DOCK2: variants seen among roughly 807,000 people sequenced by gnomAD.
DOCK2 encodes dedicator of cytokinesis protein 2.
In DOCK2, 87 loss-of-function variants were observed where a neutral mutation model predicts 248.9. The ratio of observed to expected loss-of-function variants is 0.35; its 90% CI spans 0.29 to 0.42. DOCK2 has a LOEUF of 0.42. DOCK2 is among the 10% of genes least tolerant of loss of function. DOCK2 has a pLI of 1.00. For missense variants in DOCK2, 1,747 were observed against 2,300.2 expected, an observed-to-expected ratio of 0.76 and a Z score of 4.92; for synonymous variants, 805 against 821.6, an observed-to-expected ratio of 0.98 and a Z score of 0.35.
chr5:170,080,755 T>A (rs1020699555), intron 50 of DOCK2: 1 of 162,446 alleles, frequency 6.2e-6, no homozygotes, highest in African/African-American at 2.4e-5. Context: ...ACTCACTCAC[T>A]GTCCAGTGAG....
intron 7 of DOCK2, 85 bp from the exon 8 acceptor site, chr5:169,684,111 A>G: frequency 6.5e-7 from 1 of 1,538,298 alleles, no homozygotes; most frequent in Non-Finnish European, 8.8e-7. Flanking sequence ...GCTTGAACCC[A>G]ATATCCTTGA....
intron 27 of DOCK2, among the ~76,000 whole-genome samples, chr5:169,959,674 C>T (rs1342154916): frequency 6.6e-6 from 1 of 152,154 alleles, no homozygotes; most frequent in Admixed American, 6.5e-5. Flanking sequence ...GGAGTCCGTC[C>T]AGTTCTCAGG....
chr5:169,693,059 C>T (rs1038711419), intron 9 of DOCK2, among the ~76,000 whole-genome samples: 3 of 152,106 alleles, frequency 2.0e-5, no homozygotes, highest in African/African-American at 7.2e-5. Flanking sequence ...GTCTAGGAAG[C>T]TTTCAGGTAC....
chr5:169,661,584 T>C (rs1223860439), intron 2 of DOCK2, among the ~76,000 whole-genome samples: 1 of 152,230 alleles, frequency 6.6e-6, no homozygotes, highest in Non-Finnish European at 1.5e-5. Flanking sequence ...TCTGTTACCC[T>C]GTAACCTCTA....
intron 27 of DOCK2, among the ~76,000 whole-genome samples, chr5:169,894,693 G>A (rs980051260): frequency 1.1e-4 from 16 of 152,176 alleles, no homozygotes; most frequent in Non-Finnish European, 2.1e-4. Flanking sequence ...AGTAAACAGC[G>A]TGCCCAGCAG....
At position 170,037,933 on chromosome 5, in the gene DOCK2, G is replaced by A. The variant is rs968378436; in HGVS notation, c.3665+1378G>A. 2.0e-5 allele frequency among the ~76,000 whole-genome samples: 3 copies of A among 152,260 alleles called. No homozygotes were observed. The East Asian group carries it at 5.8e-4, about 29-fold the overall frequency. On this transcript the variant is annotated intron_variant, in intron 36 of 51. Transcript: ENST00000520908. ...CAGAGGGCAGAAACTTCAAGTCTAC[G>A]CTCACTCTGCTATTACGGCAGATAT...
intron 27 of DOCK2, among the ~76,000 whole-genome samples, chr5:169,872,062 C>T (rs1446366905): frequency 1.3e-5 from 2 of 152,208 alleles, no homozygotes; most frequent in Admixed American, 1.3e-4. Context: ...ATCAACTACA[C>T]TCTAAGCAAG....
At chr5:169,952,595 A>G (rs1561847359) in intron 27 of DOCK2, among the ~76,000 whole-genome samples, 1 of 152,144 alleles carries the variant, frequency 6.6e-6, no homozygotes, top group African/African-American at 2.4e-5. Context: ...ACAGGAGTCA[A>G]TACAACTGAC....
chr5:169,904,286 C>T (rs1033986533), intron 27 of DOCK2, among the ~76,000 whole-genome samples: 1 of 151,874 alleles, frequency 6.6e-6, no homozygotes, highest in African/African-American at 2.4e-5. Context: ...GGGCTTTCCC[C>T]TCAGTCTTAA....
chr5:169,710,344 C>T (rs1761506096), intron 15 of DOCK2, among the ~76,000 whole-genome samples: 1 of 152,184 alleles, frequency 6.6e-6, no homozygotes, highest in Admixed American at 6.5e-5. Context: ...TCAAATAGTC[C>T]TCTTGTGGGT....
At chr5:169,983,310 G>T (rs1777987449) in intron 28 of DOCK2, 144 bp downstream of exon 28, 7 of 880,722 alleles carry the variant, frequency 7.9e-6, no homozygotes, top group Non-Finnish European at 8.9e-6. Flanking sequence ...CAGACATTTT[G>T]GGGTTTAAGA....
rs991274165 is a variant in DOCK2, at chr5:169,883,476, C to T, written c.2799+42624C>T. The T allele has an allele frequency of 3.9e-6, 6 of 1,551,644 alleles. No individual in the cohort carries two copies. The African/African-American group carries it at 6.8e-5, about 18-fold the overall frequency. On this transcript the variant is annotated intron_variant, in intron 27 of 51. Transcript: ENST00000520908. ...AGGCAAGGTCAGAAGACACAATGTC[C>T]TGTTCAGAGAGGTTACCGTTGACCT...
chr5:169,985,730 C>T, intron 28 of DOCK2, 98 bp from the exon 29 acceptor site: 1 of 881,894 alleles, frequency 1.1e-6, no homozygotes, highest in East Asian at 2.8e-5. Flanking sequence ...TTCCCTTTTC[C>T]TCCCTCCAAA....
At chr5:169,999,277 A>G (rs1581516489) in intron 30 of DOCK2, among the ~76,000 whole-genome samples, 1 of 152,150 alleles carries the variant, frequency 6.6e-6, no homozygotes, top group Non-Finnish European at 1.5e-5. Context: ...CTTCATCTCT[A>G]TGTGCCTCAG....
intron 44 of DOCK2, among the ~76,000 whole-genome samples, chr5:170,066,320 T>C (rs988913298): frequency 1.3e-5 from 2 of 152,162 alleles, no homozygotes; most frequent in African/African-American, 4.8e-5. Context: ...AAGGTCATTA[T>C]ATAGTGACAA....
At chr5:169,945,043 A>G (rs1776389947) in intron 27 of DOCK2, among the ~76,000 whole-genome samples, 2 of 152,222 alleles carry the variant, frequency 1.3e-5, no homozygotes, top group African/African-American at 4.8e-5. Context: ...GTGTCTTCTT[A>G]GCATGACCAG....
chr5:169,717,858 T>C (rs1761988830), intron 21 of DOCK2, among the ~76,000 whole-genome samples: 1 of 152,158 alleles, frequency 6.6e-6, no homozygotes, highest in African/African-American at 2.4e-5. Flanking sequence ...GGTCAGGAGT[T>C]GGAGACCAGC....
In DOCK2 at chr5:169,967,493, A is replaced by G. The variant is rs1279579691; in HGVS notation, c.2800-15575A>G. On this transcript the variant is annotated intron_variant, in intron 27 of 51. Coordinates refer to ENST00000520908, the MANE Select transcript of DOCK2 (RefSeq NM_004946.3). ...TGTGTGGCCGGATGATAAAGTTTAA[A>G]GGGAAGAGTAGGAAGAGTGGAAGAA... is the stretch of plus-strand genomic sequence containing the variant. Among the ~76,000 whole-genome samples, 5 of 152,180 alleles carry G rather than the reference A, an allele frequency of 3.3e-5. No homozygotes were observed. In the East Asian group the frequency reaches 9.6e-4, roughly 29 times the overall value.
intron 22 of DOCK2, among the ~76,000 whole-genome samples, chr5:169,736,087 T>A (rs74588109): frequency 0.018 from 2,690 of 152,274 alleles, 79 homozygotes; most frequent in African/African-American, 0.062. Flanking sequence ...TCTGCCCCCA[T>A]GATCCAATCA....
Sources: gnomAD v4.1 joint callset for allele counts (sites outside exome capture counted in the v4.1 genomes callset) on GRCh38, gnomAD v4.1.1 for gene constraint, MANE v1.5 for transcripts, NCBI Gene and HGNC (gene_info 2026-07-23, HGNC 2026-07-21) for gene names.